The following TRIO variants were observed in gnomAD, a reference collection of about 807,000 sequenced individuals.
TRIO encodes trio Rho guanine nucleotide exchange factor, also known as triple functional domain protein.
A neutral mutation model predicts 351.9 loss-of-function variants in TRIO; 58 were observed. The observed-to-expected ratio is 0.16, with a 90% CI of 0.13 to 0.21. The LOEUF is 0.21. Among genes scored for constraint, TRIO ranks in the 10% least tolerant of loss-of-function variants. The probability of loss-of-function intolerance (pLI) is 1.00; values close to 1 mark genes in which losing one functional copy is unlikely to be tolerated. For synonymous variants in TRIO, 1,758 were observed against 1,595.7 expected (o/e 1.10, Z -2.42); for missense variants, 3,201 against 4,027.8 (o/e 0.79, Z 5.56).
intron 10 of TRIO, among the ~76,000 whole-genome samples, chr5:14,335,762 C>G (rs753631004): frequency 2.0e-5 from 3 of 152,122 alleles, no homozygotes; most frequent in Non-Finnish European, 4.4e-5. Flanking sequence ...CCCAGGAGTT[C>G]GAGACCAGCC....
chr5:14,217,116 G>A (rs539196173), intron 1 of TRIO, among the ~76,000 whole-genome samples: 29 of 152,266 alleles, frequency 1.9e-4, no homozygotes, highest in African/African-American at 6.0e-4. Context: ...TCTGATCACC[G>A]GTCTTTTACA....
At chr5:14,353,781 C>G (rs1743356450) in intron 11 of TRIO, among the ~76,000 whole-genome samples, 1 of 152,198 alleles carries the variant, frequency 6.6e-6, no homozygotes, top group Non-Finnish European at 1.5e-5. Context: ...GGAAGAAGCA[C>G]TAATAGTAAC....
At chr5:14,469,662 C>T (rs182391541) in intron 37 of TRIO, among the ~76,000 whole-genome samples, 2 of 152,330 alleles carry the variant, frequency 1.3e-5, no homozygotes, top group Admixed American at 6.5e-5. Flanking sequence ...CACATGAAGG[C>T]GATAAGGACG....
intron 1 of TRIO, among the ~76,000 whole-genome samples, chr5:14,205,903 T>G (rs956346782): frequency 1.3e-5 from 2 of 152,098 alleles, no homozygotes; most frequent in Non-Finnish European, 2.9e-5. Context: ...CGGCTAATTT[T>G]TGTATTTTAG....
chr5:14,399,435 A>G (rs1747884987), intron 30 of TRIO: 3 of 305,286 alleles, frequency 9.8e-6, no homozygotes, highest in Admixed American at 4.5e-5. Context: ...TTTCAACCAT[A>G]AACATTGGAG....
intron 34 of TRIO, among the ~76,000 whole-genome samples, chr5:14,427,769 C>T (rs954246188): frequency 6.6e-6 from 1 of 152,152 alleles, no homozygotes; most frequent in Non-Finnish European, 1.5e-5. Context: ...CAGGCTGAGC[C>T]AGGGAAGCCG....
intron 18 of TRIO, among the ~76,000 whole-genome samples, 176 bp downstream of exon 18, chr5:14,369,699 C>T (rs1744913965): frequency 6.6e-6 from 1 of 152,210 alleles, no homozygotes; most frequent in South Asian, 2.1e-4. Flanking sequence ...ACCTTAAAAT[C>T]CTTTTCATGT....
At chr5:14,178,731 C>T (rs1320984660) in intron 1 of TRIO, among the ~76,000 whole-genome samples, 1 of 152,072 alleles carries the variant, frequency 6.6e-6, no homozygotes, top group East Asian at 1.9e-4. Context: ...TGGCTCACCC[C>T]TAACTTGGAT....
intron 11 of TRIO, among the ~76,000 whole-genome samples, chr5:14,349,536 T>C (rs1561375097): frequency 6.6e-6 from 1 of 152,188 alleles, no homozygotes; most frequent in Non-Finnish European, 1.5e-5. Flanking sequence ...GCTCTTCCCT[T>C]AGGAATTGAC....
intron 1 of TRIO, among the ~76,000 whole-genome samples, chr5:14,211,497 A>T (rs1171481392): frequency 6.6e-6 from 1 of 152,144 alleles, no homozygotes; most frequent in Non-Finnish European, 1.5e-5. Flanking sequence ...TGAAACAATA[A>T]AATATTTTGC....
intron 41 of TRIO, 38 bp from the exon 42 acceptor site, chr5:14,479,223 A>G: frequency 6.4e-7 from 1 of 1,557,386 alleles, no homozygotes; most frequent in Non-Finnish European, 8.9e-7. Context: ...CGAATTTCCC[A>G]TTGTTATAAC....
chr5:14,143,905 C>A (rs1320784251), intron 1 of TRIO, 23 bp downstream of exon 1: 2 of 1,065,428 alleles, frequency 1.9e-6, no homozygotes, highest in South Asian at 4.4e-5. Flanking sequence ...GCGGCCGGCC[C>A]GCCCAGCGGC....
chr5:14,388,810 T>A, intron 24 of TRIO, 131 bp downstream of exon 24: 2 of 1,074,544 alleles, frequency 1.9e-6, no homozygotes, highest in South Asian at 1.7e-5. Context: ...AAATGTAAAG[T>A]ATGCTTCAGC....
Position 14,487,855 on chromosome 5 carries a change from C to T in TRIO, c.7227C>T (p.Ile2409=). ...AEGSEREAEP[I]PKMKVLESPR... ...GGTCCGAGCGAGAAGCGGAGCCGAT[C>T]CCCAAGATGAAGGTGCTGGAGAGCC... Residue 2409 remains isoleucine, a synonymous_variant, in exon 48 of 57, where the codon ATC becomes ATT. Coordinates refer to ENST00000344204, the MANE Select transcript of TRIO (RefSeq NM_007118.4). The T allele has an allele frequency of 6.5e-7, 1 of 1,530,272 alleles. No individual in the cohort carries two copies. The highest frequency in any genetic ancestry group is 8.8e-7 in the Non-Finnish European group (1 of 1,138,482). 94.8% of individuals were successfully genotyped at this position (1,530,272 alleles called of 1,614,324 possible).
At chr5:14,229,766 CT>C (rs971081212) in intron 1 of TRIO, among the ~76,000 whole-genome samples, 1 of 152,106 alleles carries the variant, frequency 6.6e-6, no homozygotes, top group South Asian at 2.1e-4. Flanking sequence ...GAAAATAGCG[CT>C]TTAACTCACA....
At position 14,390,681 on chromosome 5, in the gene TRIO, A is replaced by G. The variant is rs556953171; in HGVS notation, c.4129-220A>G. 9.2e-5 allele frequency among the ~76,000 whole-genome samples: 14 copies of G among 152,290 alleles called. No homozygotes were observed. The East Asian group carries it at 2.7e-3, about 29-fold the overall frequency. On this transcript the variant is annotated intron_variant, in intron 26 of 56. Transcript: ENST00000344204. ...GCACGCGTGACTGTGGAAAGAGAGGACTGGTGCTCAGCCCGACGTGTCGGG... is the reference window on the plus strand; with the variant it reads ...GCACGCGTGACTGTGGAAAGAGAGGGCTGGTGCTCAGCCCGACGTGTCGGG...
At chr5:14,488,441 C>T (rs1579808249) in intron 48 of TRIO, 181 bp downstream of exon 48, 2 of 852,460 alleles carry the variant, frequency 2.3e-6, no homozygotes, top group South Asian at 3.9e-5. Context: ...CTAACTACTC[C>T]TTGCTTTGTT....
rs560402115 is a variant in TRIO at position 14,303,233 on chromosome 5, C to T, written c.1369-1228C>T. On this transcript the variant is annotated intron_variant, in intron 7 of 56. Transcript: ENST00000344204. ...GGGGTGTCAGTGGAGGAGATTGAGC[C>T]GGGATTGGGATGGCTGCCGCAGGAC... 9.3e-4 allele frequency among the ~76,000 whole-genome samples: 114 copies of T among 122,652 alleles called. 2 individuals are homozygous for T. The highest frequency in any genetic ancestry group is 1.5e-3 in the Non-Finnish European group (84 of 55,260). 80.5% of individuals were successfully genotyped at this position (122,652 alleles called of 152,430 possible).
intron 14 of TRIO, 73 bp downstream of exon 14, chr5:14,364,000 G>A (rs112265367): frequency 2.7e-6 from 4 of 1,456,826 alleles, no homozygotes; most frequent in African/African-American, 1.4e-5. Flanking sequence ...TTATTTCAGT[G>A]GGATGACTGC....
Sources: allele counts gnomAD v4.1 joint callset (sites outside exome capture counted in the v4.1 genomes callset), GRCh38; gene constraint gnomAD v4.1.1; transcripts MANE v1.5; gene names NCBI Gene and HGNC (gene_info 2026-07-23, HGNC 2026-07-21).